The following CPPED1 variants were observed in gnomAD, a reference collection of about 807,000 sequenced individuals.
CPPED1 encodes the protein calcineurin like phosphoesterase domain containing 1, also known as serine/threonine-protein phosphatase CPPED1.
Under a neutral mutation model 28.0 loss-of-function variants are expected in CPPED1, and 28 were observed. The ratio of observed to expected loss-of-function variants is 1.00; its 90% confidence interval spans 0.74 to 1.37. The LOEUF is 1.37. Ranked by LOEUF, CPPED1 falls within the 40% of genes most tolerant of loss-of-function variation. The pLI is 0.00. For synonymous variants in CPPED1, 198 were observed against 180.2 expected (o/e 1.10, Z -0.79); for missense variants, 504 against 416.5 (o/e 1.21, Z -1.83).
At chr16:12,673,762 T>A (rs991435345) in intron 3 of CPPED1, among the ~76,000 whole-genome samples, 14 of 152,172 alleles carry the variant, frequency 9.2e-5, no homozygotes. Context: ...GCAATAAAGA[T>A]GAGGCCGGGT....
At chr16:12,694,189 G>A (rs1450775401) in intron 3 of CPPED1, among the ~76,000 whole-genome samples, 7 of 152,114 alleles carry the variant, frequency 4.6e-5, no homozygotes, top group African/African-American at 1.4e-4. Flanking sequence ...CTCGGTGACA[G>A]AGTGAGACCC....
intron 2 of CPPED1, among the ~76,000 whole-genome samples, chr16:12,749,684 G>T (rs915409564): frequency 5.3e-5 from 8 of 152,122 alleles, no homozygotes; most frequent in African/African-American, 1.7e-4. Flanking sequence ...CCGCCTCCCA[G>T]GTTCAAGTGA....
chr16:12,775,859 T>G (rs1368808773), intron 2 of CPPED1, among the ~76,000 whole-genome samples: 1 of 152,154 alleles, frequency 6.6e-6, no homozygotes, highest in Non-Finnish European at 1.5e-5. Context: ...GACACCTCCT[T>G]TGCAAGACTG....
At chr16:12,764,522 T>C (rs1273615208) in intron 2 of CPPED1, among the ~76,000 whole-genome samples, 2 of 152,056 alleles carry the variant, frequency 1.3e-5, no homozygotes, top group African/African-American at 4.8e-5. Flanking sequence ...AATTTTTTTG[T>C]AGAGTTGGAG....
intron 3 of CPPED1, among the ~76,000 whole-genome samples, chr16:12,689,455 C>A (rs373066078): frequency 6.6e-6 from 1 of 151,556 alleles, no homozygotes; most frequent in African/African-American, 2.4e-5. Flanking sequence ...GTCTCAAACT[C>A]CTGGCCTCAA....
intron 2 of CPPED1, among the ~76,000 whole-genome samples, chr16:12,754,820 G>A (rs2080354528): frequency 1.3e-5 from 2 of 152,150 alleles, no homozygotes; most frequent in Admixed American, 1.3e-4. Flanking sequence ...GCGACACAGT[G>A]AGACCTCTGT....
At chr16:12,794,840 T>C (rs560693639) in intron 1 of CPPED1, among the ~76,000 whole-genome samples, 1 of 152,332 alleles carries the variant, frequency 6.6e-6, no homozygotes, top group South Asian at 2.1e-4. Flanking sequence ...TTCTGAGTCA[T>C]GGCTTGGCTG....
chr16:12,790,211 T>C (rs2080588108), intron 1 of CPPED1, among the ~76,000 whole-genome samples: 1 of 152,234 alleles, frequency 6.6e-6, no homozygotes, highest in Non-Finnish European at 1.5e-5. Context: ...ATATTCAAAT[T>C]GCAATTGCTC....
At chr16:12,698,755 AC>A (rs1243954969) in intron 3 of CPPED1, among the ~76,000 whole-genome samples, 1 of 152,202 alleles carries the variant, frequency 6.6e-6, no homozygotes, top group Non-Finnish European at 1.5e-5. Context: ...TAAAACTATA[AC>A]CATGGACTAA....
At chr16:12,672,851 T>G (rs1200487788) in intron 3 of CPPED1, among the ~76,000 whole-genome samples, 2 of 152,002 alleles carry the variant, frequency 1.3e-5, no homozygotes, top group Non-Finnish European at 2.9e-5. Flanking sequence ...CCATCTCTAC[T>G]AAAAATACAA....
chr16:12,674,778 A>C (rs945553878), intron 3 of CPPED1, among the ~76,000 whole-genome samples: 4 of 152,208 alleles, frequency 2.6e-5, no homozygotes, highest in Non-Finnish European at 5.9e-5. Flanking sequence ...ATCAGAGCCC[A>C]TTCTGCTTTG....
At chr16:12,699,699 G>A (rs563937295) in intron 3 of CPPED1, among the ~76,000 whole-genome samples, 1 of 152,180 alleles carries the variant, frequency 6.6e-6, no homozygotes, top group Admixed American at 6.5e-5. Context: ...AAGTTACCCT[G>A]ATATTCTGAT....
At chr16:12,779,776 G>T (rs2080519006) in intron 2 of CPPED1, among the ~76,000 whole-genome samples, 1 of 152,082 alleles carries the variant, frequency 6.6e-6, no homozygotes, top group Non-Finnish European at 1.5e-5. Context: ...TTACTACAGG[G>T]TACCTCGGCT....
At chr16:12,702,338 C>G (rs1056678900) in intron 3 of CPPED1, among the ~76,000 whole-genome samples, 4 of 151,834 alleles carry the variant, frequency 2.6e-5, no homozygotes, top group African/African-American at 9.7e-5. Context: ...GAGTTAAAGC[C>G]CAGTGAGGTG....
Position 12,801,958 on chromosome 16 carries a change from C to G in CPPED1, c.70+1749G>C, listed in dbSNP as rs550419238. Among the ~76,000 whole-genome samples the G allele has an allele frequency of 7.8e-4, 118 of 152,232 alleles. 2 individuals carry two copies. The highest frequency in any genetic ancestry group is 2.7e-3 in the African/African-American group (113 of 41,538). ...TCCTGAGAAAAGGAGCGACCTTGAC[C>G]TTCAGGGGTGGGGAGGAAGACAGCC... On this transcript the variant is annotated intron_variant, in intron 1 of 3. Coordinates refer to ENST00000381774, the MANE Select transcript of CPPED1 (RefSeq NM_018340.3).
intron 1 of CPPED1, among the ~76,000 whole-genome samples, chr16:12,787,374 G>A (rs1460580923): frequency 6.6e-6 from 1 of 150,538 alleles, no homozygotes; most frequent in South Asian, 2.1e-4. Context: ...TATCTGTTAT[G>A]AATAAGAATA....
chr16:12,687,733 G>C (rs1039698543), intron 3 of CPPED1, among the ~76,000 whole-genome samples: 1 of 152,108 alleles, frequency 6.6e-6, no homozygotes, highest in Non-Finnish European at 1.5e-5. Flanking sequence ...AGGAAAGAGA[G>C]GCACCAGGTC....
intron 1 of CPPED1, among the ~76,000 whole-genome samples, chr16:12,789,481 G>C (rs1011512965): frequency 6.6e-6 from 1 of 152,078 alleles, no homozygotes; most frequent in Non-Finnish European, 1.5e-5. Flanking sequence ...GGAATGCCTA[G>C]GTCTAGCCAA....
At position 12,704,826 on chromosome 16, in the gene CPPED1, G is replaced by A. The variant is rs759698189; in HGVS notation, c.513C>T (p.Pro171=). 1.0e-4 allele frequency: 163 copies of A among 1,614,082 alleles called. No individual in the cohort carries two copies. The highest frequency in any genetic ancestry group is 1.2e-4 in the Non-Finnish European group (144 of 1,180,038). ...LVLNSQFYEN[P]SKCPSLKQAQ... ...CCTGCTTCAGGCTGGGGCATTTGGAGGGGTTCTCGTAGAACTGGGAGTTGA... is the reference window on the plus strand; with the variant it reads ...CCTGCTTCAGGCTGGGGCATTTGGAAGGGTTCTCGTAGAACTGGGAGTTGA... Residue 171 remains proline, a synonymous_variant, in exon 3 of 4, where the codon CCC becomes CCT. Transcript: ENST00000381774.
Sources: gnomAD v4.1 joint callset for allele counts (sites outside exome capture counted in the v4.1 genomes callset) on GRCh38, gnomAD v4.1.1 for gene constraint, MANE v1.5 for transcripts, NCBI Gene and HGNC (gene_info 2026-07-23, HGNC 2026-07-21) for gene names.